The following KCNIP4 variants were observed in gnomAD, a reference collection of about 807,000 sequenced individuals.
KCNIP4 encodes Kv channel-interacting protein 4.
In KCNIP4, 12 loss-of-function variants were observed where a neutral mutation model predicts 34.0. The ratio of observed to expected loss-of-function variants is 0.35; its 90% CI spans 0.23 to 0.57. The LOEUF (loss-of-function observed/expected upper bound fraction) is 0.57. KCNIP4 is among the 20% of genes least tolerant of loss of function. KCNIP4 has a pLI of 0.83. For synonymous variants in KCNIP4, 124 were observed against 102.2 expected, an observed-to-expected ratio of 1.21 and a Z score of -1.29; for missense variants, 238 against 311.7, an observed-to-expected ratio of 0.76 and a Z score of 1.78.
chr4:21,900,608 G>A (rs545137951), intron 1 of KCNIP4, among the ~76,000 whole-genome samples: 1 of 152,292 alleles, frequency 6.6e-6, no homozygotes, highest in East Asian at 1.9e-4. Flanking sequence ...TACTAAATAT[G>A]TCATTTTTCA....
Position 20,766,564 on chromosome 4 carries a change from T to TCAAA in KCNIP4, c.289-7678_289-7675dup, listed in dbSNP as rs138009804. ...CTGGGTGACAGAGCAAAACTCCATC[T>TCAAA]CAAACAAACAAACAAACAAACAAAC... is the stretch of plus-strand genomic sequence containing the variant. On this transcript the variant is annotated intron_variant, in intron 3 of 8. Transcript: ENST00000382152. Among the ~76,000 whole-genome samples the TCAAA allele has an allele frequency of 1.9e-3, 295 of 152,112 alleles. 1 individual carries two copies. Among genetic ancestry groups the TCAAA allele is most frequent in the African/African-American group, 4.0e-3 (167 of 41,460 alleles).
Position 21,007,646 on chromosome 4 carries a change from C to A in KCNIP4, c.62-124937G>T, listed in dbSNP as rs184448262. On this transcript the variant is annotated intron_variant, in intron 1 of 8. Transcript: ENST00000382152. Reference sequence around the variant, plus strand: ...GCAAAGCAAGTGAAAGAAATGTAATCTTTAGGCAACCAAGCTCTGAAGTCT... The same window carrying A: ...GCAAAGCAAGTGAAAGAAATGTAATATTTAGGCAACCAAGCTCTGAAGTCT... 1.9e-3 allele frequency among the ~76,000 whole-genome samples: 290 copies of A among 152,226 alleles called. 2 individuals are homozygous for A. Among genetic ancestry groups the A allele is most frequent in the African/African-American group, 6.6e-3 (273 of 41,552 alleles).
intron 1 of KCNIP4, among the ~76,000 whole-genome samples, chr4:21,425,866 A>G (rs1725886742): frequency 6.6e-6 from 1 of 151,110 alleles, no homozygotes; most frequent in African/African-American, 2.4e-5. Flanking sequence ...CCTAGGTAAT[A>G]TAGCAGGACC....
At chr4:21,662,594 A>G (rs1211775272) in intron 1 of KCNIP4, among the ~76,000 whole-genome samples, 1 of 152,250 alleles carries the variant, frequency 6.6e-6, no homozygotes. Flanking sequence ...CCTATGTAAC[A>G]TTATCTTCAT....
intron 3 of KCNIP4, among the ~76,000 whole-genome samples, chr4:20,820,400 T>C (rs1340762951): frequency 3.3e-5 from 5 of 152,170 alleles, no homozygotes; most frequent in East Asian, 3.9e-4. Context: ...AAGCAAAATA[T>C]TGAGGGTATG....
intron 1 of KCNIP4, among the ~76,000 whole-genome samples, chr4:21,426,175 A>G (rs777326653): frequency 4.6e-5 from 7 of 152,212 alleles, no homozygotes; most frequent in Non-Finnish European, 7.3e-5. Flanking sequence ...TAAGGAAAAT[A>G]AAGAGGCACA....
intron 1 of KCNIP4, among the ~76,000 whole-genome samples, chr4:21,510,785 G>C (rs566350858): frequency 6.6e-6 from 1 of 152,186 alleles, no homozygotes; most frequent in East Asian, 1.9e-4. Flanking sequence ...GGGAGGCTGA[G>C]GTGGGCAGAT....
chr4:21,719,977 A>AAAAAAAAG (rs1553924589), intron 1 of KCNIP4, among the ~76,000 whole-genome samples: 1 of 133,520 alleles, frequency 7.5e-6, no homozygotes, highest in South Asian at 2.4e-4. Flanking sequence ...AAAAAAAAAA[A>AAAAAAAAG]AAGAAGAAGA....
chr4:21,639,484 T>C (rs1435702004), intron 1 of KCNIP4, among the ~76,000 whole-genome samples: 2 of 152,206 alleles, frequency 1.3e-5, no homozygotes, highest in African/African-American at 2.4e-5. Context: ...ATCAAATGTC[T>C]TTTATATTGT....
intron 1 of KCNIP4, among the ~76,000 whole-genome samples, chr4:21,429,657 A>G (rs1726263318): frequency 6.6e-6 from 1 of 152,176 alleles, no homozygotes; most frequent in African/African-American, 2.4e-5. Context: ...AGTGTTCTGG[A>G]TTTTGGTAAT....
chr4:21,301,650 A>C (rs1397946031), intron 1 of KCNIP4, among the ~76,000 whole-genome samples: 1 of 152,188 alleles, frequency 6.6e-6, no homozygotes, highest in Non-Finnish European at 1.5e-5. Flanking sequence ...AGAAAGTTTC[A>C]GAAGAAAACT....
intron 1 of KCNIP4, among the ~76,000 whole-genome samples, chr4:21,324,819 A>C (rs904161444): frequency 4.0e-5 from 6 of 151,588 alleles, no homozygotes; most frequent in African/African-American, 1.5e-4. Context: ...TTTTGATAGG[A>C]ATTGCATCAA....
chr4:21,544,877 GTTC>G (rs1332529737), intron 1 of KCNIP4, among the ~76,000 whole-genome samples: 1 of 151,822 alleles, frequency 6.6e-6, no homozygotes. Flanking sequence ...TTTCTGGCTT[GTTC>G]TTCTGCCACT....
At chr4:21,221,724 T>C (rs1042067991) in intron 1 of KCNIP4, among the ~76,000 whole-genome samples, 3 of 151,966 alleles carry the variant, frequency 2.0e-5, no homozygotes, top group Non-Finnish European at 4.4e-5. Flanking sequence ...CAGCAGTGGA[T>C]TGAAAGGCTG....
chr4:21,367,418 T>C (rs1188610690), intron 1 of KCNIP4, among the ~76,000 whole-genome samples: 1 of 152,116 alleles, frequency 6.6e-6, no homozygotes, highest in East Asian at 1.9e-4. Flanking sequence ...CTTAGTGTTA[T>C]TTTCTTCATT....
intron 1 of KCNIP4, among the ~76,000 whole-genome samples, chr4:21,737,765 G>A (rs976135718): frequency 2.6e-5 from 4 of 152,130 alleles, no homozygotes; most frequent in South Asian, 2.1e-4. Context: ...AATACTCTGC[G>A]GAACCTAAAA....
chr4:21,245,076 G>A (rs933040907), intron 1 of KCNIP4, among the ~76,000 whole-genome samples: 12 of 152,180 alleles, frequency 7.9e-5, no homozygotes, highest in Admixed American at 2.0e-4. Flanking sequence ...TGATGAAGAT[G>A]TGGTCTCCTA....
chr4:20,885,775 G>T (rs934562663), intron 1 of KCNIP4, among the ~76,000 whole-genome samples: 2 of 152,160 alleles, frequency 1.3e-5, no homozygotes, highest in East Asian at 3.9e-4. Flanking sequence ...ACATAATGCA[G>T]TCCAAACAAA....
intron 1 of KCNIP4, among the ~76,000 whole-genome samples, chr4:21,476,590 T>A (rs13137136): frequency 0.12 from 19,012 of 152,162 alleles, 1,357 homozygotes; most frequent in South Asian, 0.21. Flanking sequence ...GAATATAAAT[T>A]TCTGTTATTT....
Sources: allele counts gnomAD v4.1 joint callset (sites outside exome capture counted in the v4.1 genomes callset), GRCh38; gene constraint gnomAD v4.1.1; transcripts MANE v1.5; gene names NCBI Gene and HGNC (gene_info 2026-07-23, HGNC 2026-07-21).